Variants in ZMYM5 observed in about 807,000 individuals in gnomAD.
ZMYM5 encodes zinc finger MYM-type containing 5.
A neutral mutation model predicts 61.8 loss-of-function variants in ZMYM5; 41 were observed. That is an observed-to-expected ratio of 0.66 (90% CI 0.52 to 0.86). The LOEUF (loss-of-function observed/expected upper bound fraction) is 0.86, where lower values mean the gene tolerates loss of function less well. Among genes scored for constraint, ZMYM5 ranks in the 40% least tolerant of loss-of-function variants. ZMYM5 has a pLI of 0.00. For synonymous variants in ZMYM5, 257 were observed against 276.4 expected, an observed-to-expected ratio of 0.93 and a Z score of 0.70; for missense variants, 706 against 786.7, an observed-to-expected ratio of 0.90 and a Z score of 1.23.
intron 4 of ZMYM5, among the ~76,000 whole-genome samples, chr13:19,842,253 G>C (rs1018282415): frequency 1.3e-5 from 2 of 152,138 alleles, no homozygotes; most frequent in Non-Finnish European, 2.9e-5. Flanking sequence ...TTTCCCGCAG[G>C]GGGCTGTCAA....
chr13:19,850,775 TAAAG>T (rs910972981), intron 4 of ZMYM5, among the ~76,000 whole-genome samples: 6 of 152,134 alleles, frequency 3.9e-5, no homozygotes, highest in East Asian at 1.9e-4. Flanking sequence ...GATTTTTATA[TAAAG>T]AAAGTAAAGA....
intron 4 of ZMYM5, among the ~76,000 whole-genome samples, chr13:19,849,372 C>T (rs1473405300): frequency 6.6e-6 from 1 of 152,146 alleles, no homozygotes; most frequent in Non-Finnish European, 1.5e-5. Context: ...GATCCTTCTT[C>T]CTTGGCCTCA....
intron 4 of ZMYM5, among the ~76,000 whole-genome samples, chr13:19,846,516 T>C (rs1953078235): frequency 6.6e-6 from 1 of 152,048 alleles, no homozygotes; most frequent in African/African-American, 2.4e-5. Context: ...TTGGGGCACA[T>C]GTTCTCAGGA....
intron 5 of ZMYM5, among the ~76,000 whole-genome samples, chr13:19,838,462 G>C (rs896350417): frequency 7.2e-5 from 11 of 152,172 alleles, no homozygotes; most frequent in Non-Finnish European, 2.9e-5. Context: ...GGCAAATGTA[G>C]TAGCAGGGAG....
rs1172700908 is a variant in ZMYM5 at position 19,835,459 on chromosome 13, C to G, written c.1251+18G>C. ...CTACTATATATTTGATCATTTAAAG[C>G]TCATGAAAAAGAATTACCTGTTTAT... On this transcript the variant is annotated intron_variant, in intron 7 of 7. Coordinates refer to ENST00000337963, the MANE Select transcript of ZMYM5 (RefSeq NM_001142684.2). 21 of 1,352,220 alleles carry G rather than the reference C, an allele frequency of 1.6e-5. No individual in the cohort carries two copies. The highest frequency in any genetic ancestry group is 2.1e-5 in the Non-Finnish European group (21 of 1,010,282). The allele number at this position is 1,352,220 out of a possible 1,614,324, so 83.8% of individuals were successfully genotyped here. A position where few individuals can be genotyped will look rare whatever the true frequency, so the allele number is the denominator to read the frequency against.
intron 7 of ZMYM5, among the ~76,000 whole-genome samples, chr13:19,829,073 G>C (rs1891070636): frequency 1.3e-5 from 2 of 152,188 alleles, no homozygotes; most frequent in East Asian, 3.9e-4. Flanking sequence ...CTGCACAGCA[G>C]CCTGGGTGAC....
intron 4 of ZMYM5, chr13:19,843,763 G>C (rs1346339828): frequency 2.0e-5 from 3 of 151,990 alleles, no homozygotes; most frequent in African/African-American, 7.3e-5. Context: ...TTGAACCTGG[G>C]AGGCGGAGGT....
At chr13:19,827,966 C>A (rs1158757810) in intron 7 of ZMYM5, among the ~76,000 whole-genome samples, 1 of 140,162 alleles carries the variant, frequency 7.1e-6, no homozygotes, top group East Asian at 2.1e-4. Context: ...TTGCAGTGAG[C>A]CGAGATTGCG....
rs528900885 is a variant in ZMYM5 at position 19,862,878 on chromosome 13, G to A, written c.-78-412C>T. On this transcript the variant is annotated intron_variant, in intron 1 of 7. Transcript: ENST00000337963. ...ACCTCTGGGCCCACAGTTGCCTCAA[G>A]AAGTTGCCCTGGGGCCCCAGCAGTC... Among the ~76,000 whole-genome samples, 45 of 152,338 alleles carry A rather than the reference G, an allele frequency of 3.0e-4. 1 individual carries two copies. Among genetic ancestry groups the A allele is most frequent in the African/African-American group, 9.9e-4 (41 of 41,582 alleles).
chr13:19,825,226 T>G lies in ZMYM5; in HGVS notation c.1261A>C (p.Thr421Pro). The G allele has an allele frequency of 1.6e-6, 2 of 1,261,578 alleles. No homozygotes were observed. Among genetic ancestry groups the G allele is most frequent in the South Asian group, 2.8e-5 (2 of 72,560 alleles). The allele number at this position is 1,261,578 out of a possible 1,614,324, so 78.1% of individuals were successfully genotyped here. The change falls in exon 8 of 8, where the codon ACA becomes CCA. Residue 421 changes from threonine to proline, a missense_variant. Around this residue, in one of 2 missense-constraint regions of ZMYM5, gnomAD observed 226 missense variants for 325.0 expected, o/e 0.70. Coordinates refer to ENST00000337963, the MANE Select transcript of ZMYM5 (RefSeq NM_001142684.2). ...CINEYKQMME[T>P]KSKKLTASEN... ...GATGCTGTTAATTTTTTTGATTTTG[T>G]TTCCATCATCTGAGGACAAAGAGGA...
intron 7 of ZMYM5, among the ~76,000 whole-genome samples, chr13:19,828,005 C>G (rs58040646): frequency 0.1 from 10,993 of 107,652 alleles, 469 homozygotes; most frequent in Middle Eastern, 0.22. Context: ...GGCGACAGAG[C>G]GAGACTCCAT....
chr13:19,829,851 A>C (rs567382114), intron 7 of ZMYM5, among the ~76,000 whole-genome samples: 1 of 151,962 alleles, frequency 6.6e-6, no homozygotes, highest in Admixed American at 6.6e-5. Context: ...TTTTCCTCCC[A>C]GCTTTAGGTA....
intron 4 of ZMYM5, among the ~76,000 whole-genome samples, chr13:19,845,765 G>C (rs541573787): frequency 2.0e-5 from 3 of 152,320 alleles, no homozygotes; most frequent in African/African-American, 7.2e-5. Context: ...CCCAAATGCA[G>C]AATTTCTGGG....
Position 19,853,892 on chromosome 13 carries a change from A to G in ZMYM5, c.-10-1702T>C, listed in dbSNP as rs886406357. ...CTACCAGGCCTGGCCTCTGGCCTCAATTTTCTGAGTAGAAACTTGAGAGTG... is the reference window on the plus strand; with the variant it reads ...CTACCAGGCCTGGCCTCTGGCCTCAGTTTTCTGAGTAGAAACTTGAGAGTG... On this transcript the variant is annotated intron_variant, in intron 2 of 7. Transcript: ENST00000337963. 5.3e-5 allele frequency among the ~76,000 whole-genome samples: 8 copies of G among 151,886 alleles called. No individual in the cohort carries two copies. The East Asian group carries it at 1.2e-3, about 22-fold the overall frequency.
At chr13:19,847,583 C>T (rs1953120553) in intron 4 of ZMYM5, among the ~76,000 whole-genome samples, 1 of 151,366 alleles carries the variant, frequency 6.6e-6, no homozygotes, top group Admixed American at 6.6e-5. Flanking sequence ...TTTTTCATTA[C>T]AAATGTTATT....
At chr13:19,847,387 C>T (rs1953111255) in intron 4 of ZMYM5, among the ~76,000 whole-genome samples, 1 of 152,142 alleles carries the variant, frequency 6.6e-6, no homozygotes, top group Admixed American at 6.6e-5. Flanking sequence ...CTTCTCCAAC[C>T]ACCTATCTAT....
chr13:19,855,766 C>G (rs977033472), intron 2 of ZMYM5, among the ~76,000 whole-genome samples: 5 of 151,498 alleles, frequency 3.3e-5, no homozygotes, highest in African/African-American at 1.2e-4. Context: ...AATCCCAGCA[C>G]TTTGGGGGGC....
At chr13:19,845,216 A>C (rs1331354494) in intron 4 of ZMYM5, among the ~76,000 whole-genome samples, 1 of 152,216 alleles carries the variant, frequency 6.6e-6, no homozygotes, top group Non-Finnish European at 1.5e-5. Context: ...CCTGAGGTCA[A>C]GAACAAAATA....
At chr13:19,848,660 AG>A in intron 4 of ZMYM5, among the ~76,000 whole-genome samples, 2 of 152,130 alleles carry the variant, frequency 1.3e-5, no homozygotes, top group East Asian at 3.9e-4. Flanking sequence ...CAGCCTCCTG[AG>A]TAACTGGGGC....
Sources: gnomAD v4.1 joint callset for allele counts (sites outside exome capture counted in the v4.1 genomes callset) on GRCh38, gnomAD v4.1.1 for gene constraint, gnomAD v4.1.1 regional missense constraint, MANE v1.5 for transcripts, NCBI Gene and HGNC (gene_info 2026-07-23, HGNC 2026-07-21) for gene names.